Variants in GRK3 observed in about 807,000 individuals in gnomAD.
GRK3 encodes adrenergic, beta, receptor kinase 2.
GRK3 carries 54 observed loss-of-function variants against 95.7 expected under a neutral mutation model. That is an observed-to-expected ratio of 0.56 (90% confidence interval 0.45 to 0.71). The LOEUF is 0.71. Ranked by LOEUF, GRK3 falls within the 30% of genes least tolerant of loss-of-function variation. The pLI, the probability that GRK3 is intolerant of heterozygous loss-of-function variation, is 0.00. For synonymous variants in GRK3, 281 were observed against 290.8 expected (o/e 0.97, Z 0.34); for missense variants, 649 against 851.2 (o/e 0.76, Z 2.96).
At chr22:25,690,040 C>A (rs2085152699) in intron 11 of GRK3, 149 bp from the exon 12 acceptor site, 1 of 597,284 alleles carries the variant, frequency 1.7e-6, no homozygotes, top group African/African-American at 1.9e-5. Flanking sequence ...TATCATGCCC[C>A]ACTTTGATGT....
chr22:25,700,361 A>G (rs2085248619), intron 13 of GRK3, among the ~76,000 whole-genome samples: 1 of 152,200 alleles, frequency 6.6e-6, no homozygotes, highest in Non-Finnish European at 1.5e-5. Flanking sequence ...TAAGGAAATC[A>G]ATTGATGTGA....
chr22:25,688,041 C>A (rs1002644177), intron 11 of GRK3, among the ~76,000 whole-genome samples: 2 of 152,096 alleles, frequency 1.3e-5, no homozygotes, highest in African/African-American at 2.4e-5. Context: ...TCAAGGCCAT[C>A]CTGGCTAACA....
At chr22:25,595,676 G>T (rs1236159147) in intron 1 of GRK3, among the ~76,000 whole-genome samples, 4 of 152,200 alleles carry the variant, frequency 2.6e-5, no homozygotes, top group Non-Finnish European at 5.9e-5. Context: ...GCCAGGCATG[G>T]TGGCTTGCAC....
chr22:25,663,127 C>T (rs1463397285), intron 4 of GRK3, among the ~76,000 whole-genome samples: 1 of 152,146 alleles, frequency 6.6e-6, no homozygotes, highest in African/African-American at 2.4e-5. Context: ...ACAATCCTCC[C>T]ATCTCAGCCT....
At chr22:25,686,820 C>T (rs1047540446) in intron 10 of GRK3, among the ~76,000 whole-genome samples, 1 of 152,088 alleles carries the variant, frequency 6.6e-6, no homozygotes, top group African/African-American at 2.4e-5. Flanking sequence ...TCTGTATGAT[C>T]AGTTTGTTGT....
Position 25,695,156 on chromosome 22 carries a change from T to C in GRK3, c.1102T>C (p.Tyr368His), listed in dbSNP as rs1258181498. The C allele has an allele frequency of 1.2e-6, 2 of 1,614,152 alleles. No homozygotes were observed. The highest frequency in any genetic ancestry group is 1.7e-6 in the Non-Finnish European group (2 of 1,179,984). Residue 368 changes from tyrosine (Y) to histidine (H), a missense_variant, in exon 13 of 21, where the codon TAT (tyrosine) becomes CAT (histidine). By Grantham distance (83) the Tyr-to-His change is moderately conservative. Around this residue, in one of 3 missense-constraint regions of GRK3, gnomAD observed 382 missense variants for 493.8 expected, o/e 0.77. Transcript: ENST00000324198. The part of the protein sequence containing the change: ...APEVLQKGTA[Y>H]DSSADWFSLG... ...CGAGGTGCTGCAGAAGGGGACGGCC[T>C]ATGACAGCAGTGCCGACTGGTTCTC... is the stretch of plus-strand genomic sequence containing the variant.
intron 1 of GRK3, among the ~76,000 whole-genome samples, chr22:25,565,808 G>A (rs1410113944): frequency 6.6e-6 from 1 of 152,158 alleles, no homozygotes; most frequent in African/African-American, 2.4e-5. Context: ...TGCCAAGTGT[G>A]TCACCTGAGC....
At chr22:25,640,659 A>G (rs1203674214) in intron 2 of GRK3, among the ~76,000 whole-genome samples, 1 of 152,212 alleles carries the variant, frequency 6.6e-6, no homozygotes, top group East Asian at 1.9e-4. Flanking sequence ...AAATTTTCTC[A>G]TAGAAACCAC....
chr22:25,577,279 T>G (rs1043274689), intron 1 of GRK3, among the ~76,000 whole-genome samples: 2 of 152,050 alleles, frequency 1.3e-5, no homozygotes, highest in African/African-American at 4.8e-5. Flanking sequence ...TTCAACTGAT[T>G]CTCCTGCCTC....
At chr22:25,625,469 A>G (rs1440281786) in intron 2 of GRK3, among the ~76,000 whole-genome samples, 2 of 152,316 alleles carry the variant, frequency 1.3e-5, no homozygotes, top group East Asian at 1.9e-4. Context: ...GCATCTGGGA[A>G]GATGCCCGTT....
intron 3 of GRK3, among the ~76,000 whole-genome samples, chr22:25,658,649 A>G (rs2084889461): frequency 6.6e-6 from 1 of 152,074 alleles, no homozygotes; most frequent in Non-Finnish European, 1.5e-5. Context: ...TCTCAGGAGG[A>G]TTGTTCTGTT....
chr22:25,703,164 C>T (rs1052050184), intron 13 of GRK3, among the ~76,000 whole-genome samples: 3 of 152,168 alleles, frequency 2.0e-5, no homozygotes, highest in African/African-American at 7.2e-5. Flanking sequence ...AGCTCGAACT[C>T]TCATATGACA....
chr22:25,605,187 G>T (rs1355812266), intron 2 of GRK3, among the ~76,000 whole-genome samples: 5 of 152,262 alleles, frequency 3.3e-5, no homozygotes, highest in Non-Finnish European at 7.3e-5. Flanking sequence ...GATCACGCAT[G>T]AAGTACAGTG....
rs1273593833 is a variant in GRK3 at position 25,672,276 on chromosome 22, A to G, written c.504-20A>G. On this transcript the variant is annotated intron_variant, in intron 6 of 20. Transcript: ENST00000324198. ...TAATTTGATATTTAACTTTTTAGTA[A>G]TTATTTTATTCTCTTTTAGTGACAA... 2.4e-6 allele frequency: 3 copies of G among 1,243,654 alleles called. No individual in the cohort carries two copies. Among genetic ancestry groups the G allele is most frequent in the Non-Finnish European group, 3.4e-6 (3 of 873,718 alleles). The allele number at this position is 1,243,654 out of a possible 1,614,324, so 77.0% of individuals were successfully genotyped here.
At chr22:25,647,620 A>G in intron 3 of GRK3, 1 of 1,492,976 alleles carries the variant, frequency 6.7e-7, no homozygotes, top group Non-Finnish European at 9.3e-7. Flanking sequence ...AAAATTTCAA[A>G]TAATTAACAA....
chr22:25,670,881 C>CAAAAA (rs71191074), intron 6 of GRK3, among the ~76,000 whole-genome samples: 3 of 65,682 alleles, frequency 4.6e-5, no homozygotes, highest in Non-Finnish European at 9.2e-5. Context: ...ACTAAAAATA[C>CAAAAA]AAAAAAAAAA....
chr22:25,684,847 C>T (rs901509922), intron 9 of GRK3, among the ~76,000 whole-genome samples: 1 of 152,094 alleles, frequency 6.6e-6, no homozygotes, highest in Non-Finnish European at 1.5e-5. Flanking sequence ...TGTTGGTGCT[C>T]AATGCATGGG....
At chr22:25,669,542 C>T (rs1004479912) in intron 6 of GRK3, among the ~76,000 whole-genome samples, 6 of 152,332 alleles carry the variant, frequency 3.9e-5, no homozygotes, top group African/African-American at 1.4e-4. Flanking sequence ...CCTTTGAAGT[C>T]ATTTGCAAGG....
intron 2 of GRK3, among the ~76,000 whole-genome samples, chr22:25,613,670 T>C (rs1308311459): frequency 3.3e-5 from 5 of 151,602 alleles, no homozygotes; most frequent in Non-Finnish European, 7.4e-5. Context: ...AGCTGTTTCT[T>C]ACAAACCTAC....
Sources: gnomAD v4.1 joint callset for allele counts (sites outside exome capture counted in the v4.1 genomes callset) on GRCh38, gnomAD v4.1.1 for gene constraint, gnomAD v4.1.1 regional missense constraint, MANE v1.5 for transcripts, NCBI Gene and HGNC (gene_info 2026-07-23, HGNC 2026-07-21) for gene names.